GMPR: variants seen among roughly 807,000 people sequenced by gnomAD.
GMPR encodes the protein guanosine monophosphate reductase.
Under a neutral mutation model 38.4 loss-of-function variants are expected in GMPR, and 31 were observed. That is an observed-to-expected ratio of 0.81 (90% CI 0.61 to 1.09). The LOEUF (loss-of-function observed/expected upper bound fraction) is 1.09. GMPR is among the 50% of genes least tolerant of loss of function. The pLI is 0.00. For synonymous variants in GMPR, 162 were observed against 173.3 expected (o/e 0.93, Z 0.51); for missense variants, 468 against 453.7 (o/e 1.03, Z -0.29).
At chr6:16,285,046 A>AC (rs397968613) in intron 6 of GMPR, among the ~76,000 whole-genome samples, 2 of 148,352 alleles carry the variant, frequency 1.3e-5, no homozygotes, top group African/African-American at 5.0e-5. Context: ...AAAAAAAAAA[A>AC]CAGAAAAGAA....
intron 6 of GMPR, among the ~76,000 whole-genome samples, chr6:16,279,441 C>T (rs1398486592): frequency 6.6e-6 from 1 of 152,186 alleles, no homozygotes; most frequent in African/African-American, 2.4e-5. Context: ...CCAGGATGTC[C>T]GCATCTTAAC....
intron 6 of GMPR, among the ~76,000 whole-genome samples, chr6:16,279,497 G>A (rs1362802042): frequency 6.6e-6 from 1 of 152,224 alleles, no homozygotes; most frequent in East Asian, 1.9e-4. Flanking sequence ...GTCACATTCT[G>A]AGATGCTAGG....
At chr6:16,267,032 C>T (rs1349145298) in intron 4 of GMPR, among the ~76,000 whole-genome samples, 1 of 151,552 alleles carries the variant, frequency 6.6e-6, no homozygotes, top group Non-Finnish European at 1.5e-5. Flanking sequence ...GTAACACTCC[C>T]TGCGAAAAAG....
intron 8 of GMPR, among the ~76,000 whole-genome samples, chr6:16,294,447 G>A (rs547548989): frequency 1.4e-4 from 21 of 152,236 alleles, no homozygotes; most frequent in African/African-American, 4.3e-4. Flanking sequence ...TGTCCTCCTC[G>A]TCCTGGTCGT....
At chr6:16,245,104 A>C (rs1259141438) in intron 1 of GMPR, among the ~76,000 whole-genome samples, 1 of 152,322 alleles carries the variant, frequency 6.6e-6, no homozygotes, top group East Asian at 1.9e-4. Flanking sequence ...TTAGCCACAC[A>C]CAGGGTTGCT....
At chr6:16,264,747 A>G (rs530079259) in intron 4 of GMPR, among the ~76,000 whole-genome samples, 38 of 152,214 alleles carry the variant, frequency 2.5e-4, no homozygotes, top group Admixed American at 1.9e-3. Context: ...ATTTCACAAG[A>G]CAATGTCATC....
chr6:16,272,081 G>A lies in GMPR; in HGVS notation c.466-2334G>A, dbSNP rs554295089. Among the ~76,000 whole-genome samples, 4 of 152,090 alleles carry A rather than the reference G, an allele frequency of 2.6e-5. No individual in the cohort carries two copies. In the South Asian group the frequency reaches 6.3e-4, roughly 24 times the overall value. On this transcript the variant is annotated intron_variant, in intron 4 of 8. Coordinates refer to ENST00000259727, the MANE Select transcript of GMPR (RefSeq NM_006877.4). ...CAAAAATTAGCCAGGCAGTGGGGGCGTGTGCCTGTAATACCAGCTACTAGG... is the reference window on the plus strand; with the variant it reads ...CAAAAATTAGCCAGGCAGTGGGGGCATGTGCCTGTAATACCAGCTACTAGG...
chr6:16,272,683 T>C (rs1759406458), intron 4 of GMPR, among the ~76,000 whole-genome samples: 2 of 152,242 alleles, frequency 1.3e-5, no homozygotes, highest in South Asian at 4.1e-4. Context: ...CTCTGTGAGG[T>C]ATTAGCGTTT....
At chr6:16,270,996 G>A (rs567526341) in intron 4 of GMPR, among the ~76,000 whole-genome samples, 5 of 151,490 alleles carry the variant, frequency 3.3e-5, no homozygotes, top group South Asian at 2.1e-4. Context: ...AGACCAGCCT[G>A]GGCAACATAG....
intron 3 of GMPR, among the ~76,000 whole-genome samples, chr6:16,251,013 C>T (rs1359009869): frequency 6.6e-6 from 1 of 152,100 alleles, no homozygotes; most frequent in East Asian, 1.9e-4. Flanking sequence ...TAAGAGTTGC[C>T]ATGTGACCCA....
rs1006257648 is a variant in GMPR at position 16,256,528 on chromosome 6, CA to C, written c.465+1816del. ...TGGGAGACAGAGTGAGACTCTGTCT[CA>C]AAAAAAAAAAAAAAAAAAAAAAGAG... On this transcript the variant is annotated intron_variant, in intron 4 of 8. Transcript: ENST00000259727. 5.5e-3 allele frequency among the ~76,000 whole-genome samples: 186 copies of C among 33,948 alleles called. 1 individual carries two copies. Among genetic ancestry groups the C allele is most frequent in the Middle Eastern group, 0.036 (2 of 56 alleles). 22.3% of individuals were successfully genotyped at this position (33,948 alleles called of 152,430 possible). A position where few individuals can be genotyped will look rare whatever the true frequency, so the allele number is the denominator to read the frequency against.
intron 6 of GMPR, among the ~76,000 whole-genome samples, chr6:16,279,402 A>G (rs1330794203): frequency 6.6e-6 from 1 of 152,162 alleles, no homozygotes; most frequent in Non-Finnish European, 1.5e-5. Flanking sequence ...TGAGGATACT[A>G]GTCCTTTCAG....
At position 16,253,855 on chromosome 6, in the gene GMPR, G is replaced by T. The variant is rs78207401; in HGVS notation, c.292-707G>T. On this transcript the variant is annotated intron_variant, in intron 3 of 8. Transcript: ENST00000259727. ...TTCTCCTTCTTCCTGGAAACTTTTG[G>T]TTCTTGCTTATTGTCCTCCCTTGAG... Among the ~76,000 whole-genome samples the T allele has an allele frequency of 6.4e-3, 970 of 152,208 alleles. 1 individual carries two copies. Among genetic ancestry groups the T allele is most frequent in the Non-Finnish European group, 7.7e-3 (527 of 68,024 alleles).
intron 8 of GMPR, among the ~76,000 whole-genome samples, chr6:16,294,387 C>T (rs1759896500): frequency 6.6e-6 from 1 of 152,220 alleles, no homozygotes; most frequent in Non-Finnish European, 1.5e-5. Context: ...ATGAAATCAC[C>T]TTGCTGGTGA....
intron 7 of GMPR, among the ~76,000 whole-genome samples, chr6:16,287,625 A>G (rs1759712500): frequency 6.6e-6 from 1 of 152,198 alleles, no homozygotes; most frequent in African/African-American, 2.4e-5. Context: ...TGCTGTTGAC[A>G]TCTGCTCCTT....
At chr6:16,278,418 T>G (rs1759516420) in intron 5 of GMPR, among the ~76,000 whole-genome samples, 1 of 151,408 alleles carries the variant, frequency 6.6e-6, no homozygotes, top group Non-Finnish European at 1.5e-5. Flanking sequence ...TAAAGCAGAG[T>G]GTAGATTTGT....
At chr6:16,287,421 G>A (rs2113703552) in intron 7 of GMPR, among the ~76,000 whole-genome samples, 1 of 152,286 alleles carries the variant, frequency 6.6e-6, no homozygotes, top group East Asian at 1.9e-4. Context: ...CCTGGCCTTT[G>A]GACCACACTC....
At chr6:16,266,412 C>G (rs1333351610) in intron 4 of GMPR, among the ~76,000 whole-genome samples, 32 of 107,732 alleles carry the variant, frequency 3.0e-4, no homozygotes, top group African/African-American at 1.1e-3. Flanking sequence ...AGAGCTGTAA[C>G]ACTCACTGTG....
Position 16,247,750 on chromosome 6 carries a change from A to G in GMPR, c.207+789A>G, listed in dbSNP as rs879861548. Among the ~76,000 whole-genome samples, 96 of 151,718 alleles carry G rather than the reference A, an allele frequency of 6.3e-4. 1 individual carries two copies. The highest frequency in any genetic ancestry group is 2.6e-4 in the Admixed American group (4 of 15,236). ...ATGAGGAAACTGAGGCAGAGAGGGG[A>G]GGGGTAGGTCACTTGCCCTAGGCCC... On this transcript the variant is annotated intron_variant, in intron 2 of 8. Coordinates refer to ENST00000259727, the MANE Select transcript of GMPR (RefSeq NM_006877.4).
Sources: gnomAD v4.1 joint callset for allele counts (sites outside exome capture counted in the v4.1 genomes callset) on GRCh38, gnomAD v4.1.1 for gene constraint, MANE v1.5 for transcripts, NCBI Gene and HGNC (gene_info 2026-07-23, HGNC 2026-07-21) for gene names.